Variants in TRAPPC6B observed in about 807,000 individuals in gnomAD.
The protein encoded by TRAPPC6B is trafficking protein particle complex subunit 6B.
In TRAPPC6B, 27 loss-of-function variants were observed where a neutral mutation model predicts 24.7. The ratio of observed to expected loss-of-function variants is 1.09; its 90% CI spans 0.81 to 1.51. The LOEUF (loss-of-function observed/expected upper bound fraction) is 1.51, where lower values mean the gene tolerates loss of function less well. TRAPPC6B is among the 40% of genes most tolerant of loss of function. The pLI is 0.00. For synonymous variants in TRAPPC6B, 80 were observed against 66.6 expected, an observed-to-expected ratio of 1.20 and a Z score of -0.98; for missense variants, 212 against 190.8, an observed-to-expected ratio of 1.11 and a Z score of -0.66.
chr14:39,154,923 T>C (rs960884979), intron 3 of TRAPPC6B, among the ~76,000 whole-genome samples: 1 of 152,120 alleles, frequency 6.6e-6, no homozygotes, highest in Non-Finnish European at 1.5e-5. Flanking sequence ...AATAAGCTGT[T>C]TGTTTGTATA....
Position 39,170,099 on chromosome 14 carries a change from C to T in TRAPPC6B, c.-4G>A. 2 of 1,614,140 alleles carry T rather than the reference C, an allele frequency of 1.2e-6. No homozygotes were observed. The highest frequency in any genetic ancestry group is 1.7e-6 in the Non-Finnish European group (2 of 1,180,004). ...AAAACAACGCCTCATCCGCCATTTC[C>T]TGCTAATTCTTCCAAGCTTCGAGTT... On this transcript the variant is annotated 5_prime_UTR_variant, in exon 1 of 6. Coordinates refer to ENST00000330149, the MANE Select transcript of TRAPPC6B (RefSeq NM_001079537.2).
At chr14:39,158,155 A>T in intron 3 of TRAPPC6B, 130 bp downstream of exon 3, 1 of 591,062 alleles carries the variant, frequency 1.7e-6, no homozygotes, top group Non-Finnish European at 2.9e-6. Flanking sequence ...AAAACTAATA[A>T]CTCATTAATA....
intron 4 of TRAPPC6B, among the ~76,000 whole-genome samples, chr14:39,152,409 T>C (rs888884627): frequency 2.0e-5 from 3 of 152,134 alleles, no homozygotes; most frequent in African/African-American, 4.8e-5. Context: ...AACCCTGTCA[T>C]ATAGAAACAA....
chr14:39,163,213 T>C (rs1416169235), intron 1 of TRAPPC6B, among the ~76,000 whole-genome samples: 1 of 149,684 alleles, frequency 6.7e-6, no homozygotes, highest in East Asian at 1.9e-4. Context: ...CTACTAAAAA[T>C]ACAAAAAATT....
At chr14:39,165,423 G>A (rs1053467171) in intron 1 of TRAPPC6B, among the ~76,000 whole-genome samples, 2 of 152,106 alleles carry the variant, frequency 1.3e-5, no homozygotes, top group African/African-American at 2.4e-5. Context: ...CTATGCTGTC[G>A]TAAAATTCTG....
Position 39,151,763 on chromosome 14 carries a change from A to G in TRAPPC6B, c.428T>C (p.Val143Ala). 2 of 1,601,144 alleles carry G rather than the reference A, an allele frequency of 1.2e-6. No homozygotes were observed. The highest frequency in any genetic ancestry group is 1.7e-6 in the Non-Finnish European group (2 of 1,175,578). ...CAACTTACAAGCAGGCATTGAAGAC[A>G]CTTCAGCTGTTACAATACTTTTTAT... ...LGIKSIVTAE[V>A]SSMPACKFQV... is the part of the protein sequence containing the mutation. Residue 143 changes from valine to alanine, a missense_variant, in exon 5 of 6, where the codon GTG (valine) becomes GCG (alanine). Transcript: ENST00000330149.
intron 1 of TRAPPC6B, among the ~76,000 whole-genome samples, chr14:39,161,912 G>A (rs952618520): frequency 7.2e-5 from 11 of 152,302 alleles, no homozygotes; most frequent in South Asian, 4.1e-4. Flanking sequence ...TCCCAGGCCC[G>A]TAGCGATGAG....
chr14:39,161,775 T>TCTGAAACCTAAAGTTTAG (rs1256504902), intron 1 of TRAPPC6B, among the ~76,000 whole-genome samples: 2 of 152,178 alleles, frequency 1.3e-5, no homozygotes, highest in East Asian at 3.9e-4. Context: ...CCCCAATGAC[T>TCTGAAACCTAAAGTTTAG]GTGCTCTGAA....
At chr14:39,158,508 T>G (rs1470453336) in intron 2 of TRAPPC6B, 106 bp from the exon 3 acceptor site, 1 of 701,036 alleles carries the variant, frequency 1.4e-6, no homozygotes, top group Non-Finnish European at 2.4e-6. Context: ...GAACATTTAT[T>G]GGGTTTTTTA....
intron 3 of TRAPPC6B, among the ~76,000 whole-genome samples, chr14:39,156,239 C>T (rs1261171007): frequency 2.0e-5 from 3 of 152,170 alleles, no homozygotes; most frequent in Non-Finnish European, 2.9e-5. Context: ...AATCCCAGAA[C>T]TCTGGGAGGC....
At chr14:39,153,439 G>A (rs2052938177) in intron 4 of TRAPPC6B, among the ~76,000 whole-genome samples, 1 of 151,076 alleles carries the variant, frequency 6.6e-6, no homozygotes, top group Admixed American at 6.6e-5. Flanking sequence ...ACGAGCCTGG[G>A]CAACATCGTG....
intron 3 of TRAPPC6B, among the ~76,000 whole-genome samples, chr14:39,155,674 C>T (rs28856917): frequency 0.22 from 33,010 of 151,990 alleles, 4,042 homozygotes; most frequent in Middle Eastern, 0.36. Context: ...GTGGCTGGGA[C>T]TATAAGCGTG....
chr14:39,148,019 A>G lies in TRAPPC6B; in HGVS notation c.*2331T>C, dbSNP rs1390235859. 6.6e-6 allele frequency: 1 copy of G among 152,220 alleles called. No individual in the cohort carries two copies. Among genetic ancestry groups the G allele is most frequent in the African/African-American group, 2.4e-5 (1 of 41,462 alleles). 9.4% of individuals were successfully genotyped at this position (152,220 alleles called of 1,614,324 possible). A position where few individuals can be genotyped will look rare whatever the true frequency, so the allele number is the denominator to read the frequency against. ...AAGCAAATGGAACAATATAAAGAAT[A>G]TCTCACATAACAAAAAGTCCAAAGG... On this transcript the variant is annotated 3_prime_UTR_variant, in exon 6 of 6. Transcript: ENST00000330149.
intron 1 of TRAPPC6B, among the ~76,000 whole-genome samples, chr14:39,168,677 GA>G (rs548243017): frequency 1.4e-4 from 22 of 152,082 alleles, no homozygotes; most frequent in Non-Finnish European, 2.6e-4. Context: ...TGCTCAAGCT[GA>G]AAACCTGACG....
In TRAPPC6B at chr14:39,148,413, T is replaced by C. The variant is rs1468015483; in HGVS notation, c.*1937A>G. The C allele has an allele frequency of 2.9e-6, 1 of 342,738 alleles. No individual in the cohort carries two copies. The highest frequency in any genetic ancestry group is 5.2e-6 in the Non-Finnish European group (1 of 191,004). 21.2% of individuals were successfully genotyped at this position (342,738 alleles called of 1,614,324 possible). On this transcript the variant is annotated 3_prime_UTR_variant, in exon 6 of 6. Coordinates refer to ENST00000330149, the MANE Select transcript of TRAPPC6B (RefSeq NM_001079537.2). ...TAGGCTAGGGAAGCACCCTATTCTATAGCACAAGGCAGCCATACAGAGTTT... is the reference window on the plus strand; with the variant it reads ...TAGGCTAGGGAAGCACCCTATTCTACAGCACAAGGCAGCCATACAGAGTTT...
chr14:39,157,548 C>T (rs1463611137), intron 3 of TRAPPC6B: 3 of 401,420 alleles, frequency 7.5e-6, no homozygotes, highest in Admixed American at 5.9e-5. Flanking sequence ...ATGTGGATCC[C>T]ATCGAGGTGG....
At position 39,170,087 on chromosome 14, in the gene TRAPPC6B, A is replaced by G; in HGVS notation, c.9T>C (p.Asp3=). 6.2e-7 allele frequency: 1 copy of G among 1,614,144 alleles called. No homozygotes were observed. The highest frequency in any genetic ancestry group is 8.5e-7 in the Non-Finnish European group (1 of 1,179,992). The change falls in exon 1 of 6, where the codon GAT becomes GAC. Residue 3 remains aspartate, a synonymous_variant. Coordinates refer to ENST00000330149, the MANE Select transcript of TRAPPC6B (RefSeq NM_001079537.2). The part of the protein sequence containing the change: MA[D]EALFLLLHNE... ...TATGGAGAAGCAAAAACAACGCCTC[A>G]TCCGCCATTTCCTGCTAATTCTTCC...
intron 1 of TRAPPC6B, among the ~76,000 whole-genome samples, chr14:39,165,872 C>T (rs1462536075): frequency 1.3e-5 from 2 of 152,066 alleles, no homozygotes; most frequent in African/African-American, 2.4e-5. Flanking sequence ...GACACAATCT[C>T]GGCTCAATGC....
At chr14:39,167,978 C>T (rs2053124923) in intron 1 of TRAPPC6B, among the ~76,000 whole-genome samples, 2 of 152,194 alleles carry the variant, frequency 1.3e-5, no homozygotes, top group South Asian at 4.2e-4. Context: ...CTTTGGGAGG[C>T]CAAGGCGGGC....
Sources: allele counts gnomAD v4.1 joint callset (sites outside exome capture counted in the v4.1 genomes callset), GRCh38; gene constraint gnomAD v4.1.1; transcripts MANE v1.5; gene names NCBI Gene and HGNC (gene_info 2026-07-23, HGNC 2026-07-21).